Variants in MKLN1 observed in about 807,000 individuals in gnomAD.
MKLN1 encodes muskelin.
A neutral mutation model predicts 99.0 loss-of-function variants in MKLN1; 18 were observed. That is an observed-to-expected ratio of 0.18 (90% CI 0.13 to 0.27). MKLN1 has a LOEUF of 0.27. Among genes scored for constraint, MKLN1 ranks in the 10% least tolerant of loss-of-function variants. The pLI is 1.00. For synonymous variants in MKLN1, 288 were observed against 293.2 expected (o/e 0.98, Z 0.18); for missense variants, 621 against 875.9 (o/e 0.71, Z 3.67).
intron 3 of MKLN1, among the ~76,000 whole-genome samples, chr7:131,249,151 C>G (rs1797539709): frequency 6.6e-6 from 1 of 152,188 alleles, no homozygotes; most frequent in Non-Finnish European, 1.5e-5. Flanking sequence ...GAGATGAGGG[C>G]TGACTCACGA....
intron 16 of MKLN1, among the ~76,000 whole-genome samples, chr7:131,477,156 T>A (rs971947888): frequency 2.0e-5 from 3 of 152,218 alleles, no homozygotes; most frequent in South Asian, 2.1e-4. Context: ...GGTAAAGATT[T>A]CTTGGACATG....
chr7:131,250,571 T>C (rs757809228), intron 3 of MKLN1, among the ~76,000 whole-genome samples: 23 of 152,082 alleles, frequency 1.5e-4, no homozygotes, highest in Non-Finnish European at 3.2e-4. Flanking sequence ...GGAGGGCTGA[T>C]CCATTCCAGA....
At chr7:131,289,331 A>G (rs1301604270) in intron 3 of MKLN1, among the ~76,000 whole-genome samples, 1 of 152,230 alleles carries the variant, frequency 6.6e-6, no homozygotes, top group East Asian at 1.9e-4. Context: ...GATGGTTATT[A>G]AAACCTACAA....
chr7:131,356,439 T>C (rs1415788689), intron 1 of MKLN1, among the ~76,000 whole-genome samples: 7 of 151,018 alleles, frequency 4.6e-5, no homozygotes, highest in African/African-American at 1.5e-4. Context: ...CTGTAACATT[T>C]CCCCCCCCAA....
At chr7:131,285,375 C>T (rs968572113) in intron 3 of MKLN1, among the ~76,000 whole-genome samples, 5 of 152,166 alleles carry the variant, frequency 3.3e-5, no homozygotes, top group African/African-American at 9.6e-5. Context: ...ACGGGATGCG[C>T]TCATACCTTG....
intron 6 of MKLN1, among the ~76,000 whole-genome samples, chr7:131,403,946 A>G (rs1411770932): frequency 1.3e-5 from 2 of 152,234 alleles, no homozygotes; most frequent in Non-Finnish European, 2.9e-5. Context: ...TAAAAAACAC[A>G]GTATCTGTGA....
At chr7:131,305,547 T>C (rs1798452124) in intron 3 of MKLN1, among the ~76,000 whole-genome samples, 1 of 152,210 alleles carries the variant, frequency 6.6e-6, no homozygotes, top group Admixed American at 6.5e-5. Flanking sequence ...TAGAATTCTT[T>C]CTGTTCAGGC....
chr7:131,143,882 GC>G (rs1277565216), intron 2 of MKLN1, among the ~76,000 whole-genome samples: 1 of 152,146 alleles, frequency 6.6e-6, no homozygotes, highest in Non-Finnish European at 1.5e-5. Context: ...AAGACTTGCT[GC>G]CCACTCTGGG....
At position 131,419,226 on chromosome 7, in the gene MKLN1, A is replaced by ATG. The variant is rs201833036; in HGVS notation, c.847+4518_847+4519dup. Among the ~76,000 whole-genome samples the ATG allele has an allele frequency of 3.1e-3, 429 of 137,314 alleles. 2 individuals are homozygous for ATG. Among genetic ancestry groups the ATG allele is most frequent in the African/African-American group, 0.011 (405 of 37,252 alleles). 90.1% of individuals were successfully genotyped at this position (137,314 alleles called of 152,430 possible). A position where few individuals can be genotyped will look rare whatever the true frequency, so the allele number is the denominator to read the frequency against. ...CTGGGAAGATTCATTACATATATATATGTATATATATATATATATATTTTT... is the reference window on the plus strand; with the variant it reads ...CTGGGAAGATTCATTACATATATATATGTGTATATATATATATATATATTTTT... On this transcript the variant is annotated intron_variant, in intron 8 of 17. Transcript: ENST00000352689.
intron 3 of MKLN1, among the ~76,000 whole-genome samples, chr7:131,319,843 G>T (rs1344042370): frequency 6.6e-6 from 1 of 152,066 alleles, no homozygotes; most frequent in Non-Finnish European, 1.5e-5. Context: ...GCTACAAAGA[G>T]AATAAAATAC....
chr7:131,111,903 C>T (rs576518137), intron 1 of MKLN1, among the ~76,000 whole-genome samples: 12 of 152,290 alleles, frequency 7.9e-5, no homozygotes, highest in East Asian at 7.7e-4. Context: ...TTGTGGCATT[C>T]GGAGAACACA....
intron 1 of MKLN1, among the ~76,000 whole-genome samples, chr7:131,345,485 G>C (rs868798149): frequency 2.6e-5 from 4 of 152,170 alleles, no homozygotes; most frequent in Non-Finnish European, 5.9e-5. Context: ...ATTTATGTGA[G>C]CAAGGGAGGA....
rs1468657511 is a variant in MKLN1, at chr7:131,193,418, T to G, written c.-296-9439T>G. 2.6e-5 allele frequency among the ~76,000 whole-genome samples: 4 copies of G among 152,254 alleles called. No homozygotes were observed. In the South Asian group the frequency reaches 8.3e-4, roughly 32 times the overall value. On this transcript the variant is annotated intron_variant, in intron 2 of 7. Transcript: ENST00000416992. ...TCTCACTCTGTTGCCCAGGCTGGAG[T>G]GCAGTGGTGCGATCTCAGCTCACTG...
Position 131,198,774 on chromosome 7 carries a change from AAAC to A in MKLN1, c.-296-4078_-296-4076del, listed in dbSNP as rs569393966. On this transcript the variant is annotated intron_variant, in intron 2 of 7. Coordinates refer to the MKLN1 transcript ENST00000416992. ...TTTTCATGAATTATAAAAAAAATTCAAACAACACAAAATATTACAAAGAAGAAG... is the reference window on the plus strand; with the variant it reads ...TTTTCATGAATTATAAAAAAAATTCAAACACAAAATATTACAAAGAAGAAG... Among the ~76,000 whole-genome samples the A allele has an allele frequency of 1.3e-3, 199 of 152,372 alleles. 1 individual carries two copies. Among genetic ancestry groups the A allele is most frequent in the African/African-American group, 4.6e-3 (192 of 41,594 alleles).
intron 11 of MKLN1, 105 bp downstream of exon 11, chr7:131,443,807 T>C: frequency 1.1e-6 from 1 of 884,352 alleles, no homozygotes; most frequent in South Asian, 1.6e-5. Context: ...AGTGTAGCAA[T>C]GACAGAGAAA....
Position 131,485,043 on chromosome 7 carries a change from C to T in MKLN1, c.2087-2564C>T, listed in dbSNP as rs118045481. Among the ~76,000 whole-genome samples the T allele has an allele frequency of 1.6e-4, 25 of 152,128 alleles. No individual in the cohort carries two copies. The East Asian group carries it at 4.8e-3, about 29-fold the overall frequency. ...AACAATGACACCCTGGCAATTAGCA[C>T]AGCTGTTCTTGTTTGGTTTTTAAAT... On this transcript the variant is annotated intron_variant, in intron 17 of 17. Coordinates refer to ENST00000352689, the MANE Select transcript of MKLN1 (RefSeq NM_013255.5).
chr7:131,485,841 A>G (rs1005539294), intron 17 of MKLN1, among the ~76,000 whole-genome samples: 2 of 152,108 alleles, frequency 1.3e-5, no homozygotes, highest in African/African-American at 4.8e-5. Flanking sequence ...AGACTTGGAA[A>G]CTAAATGCAG....
chr7:131,325,912 G>C, upstream of MKLN1, among the ~76,000 whole-genome samples: 1 of 143,610 alleles, frequency 7.0e-6, no homozygotes, highest in Non-Finnish European at 1.6e-5. Context: ...GGGGGGGGGT[G>C]GTGGTGAGGA....
chr7:131,144,454 C>T (rs1025787703), intron 2 of MKLN1, among the ~76,000 whole-genome samples: 4 of 150,670 alleles, frequency 2.7e-5, no homozygotes, highest in African/African-American at 4.9e-5. Flanking sequence ...TGCACTCCAG[C>T]CTGGGTGACA....
Sources: allele counts gnomAD v4.1 joint callset (sites outside exome capture counted in the v4.1 genomes callset), GRCh38; gene constraint gnomAD v4.1.1; transcripts MANE v1.5; gene names NCBI Gene and HGNC (gene_info 2026-07-23, HGNC 2026-07-21).